The following TGIF1 variants were observed in gnomAD, a reference collection of about 807,000 sequenced individuals.
TGIF1 encodes the protein TGFB induced factor homeobox 1.
A neutral mutation model predicts 19.3 loss-of-function variants in TGIF1; 4 were observed. That is an observed-to-expected ratio of 0.21 (90% CI 0.10 to 0.47). The LOEUF is 0.47. TGIF1 is among the 20% of genes least tolerant of loss of function. The pLI, the probability that TGIF1 is intolerant of heterozygous loss-of-function variation, is 0.98. For missense variants in TGIF1, 275 were observed against 341.4 expected (o/e 0.81, Z 1.53); for synonymous variants, 122 against 129.3 (o/e 0.94, Z 0.38).
chr18:3,442,479 T>C (rs2143242088), intron 2 of TGIF1, among the ~76,000 whole-genome samples: 1 of 152,268 alleles, frequency 6.6e-6, no homozygotes, highest in South Asian at 2.1e-4. Context: ...TTTTTGCTCT[T>C]TGTCAGATGA....
intron 2 of TGIF1, among the ~76,000 whole-genome samples, chr18:3,443,957 C>T (rs1418814411): frequency 2.2e-5 from 3 of 139,320 alleles, no homozygotes; most frequent in Admixed American, 7.3e-5. Flanking sequence ...TTTTTTGAGA[C>T]GGAGTCTAGC....
intron 2 of TGIF1, chr18:3,418,547 A>G (rs2082361196): frequency 6.6e-6 from 1 of 152,234 alleles, no homozygotes; most frequent in Admixed American, 6.5e-5. Flanking sequence ...CTATATAAAT[A>G]GTTGTTATAC....
At position 3,451,424 on chromosome 18, in the gene TGIF1, T is replaced by C. The variant is rs2082922879; in HGVS notation, c.16+919T>C. 1.0e-6 allele frequency: 1 copy of C among 985,400 alleles called. No homozygotes were observed. The highest frequency in any genetic ancestry group is 1.7e-5 in the African/African-American group (1 of 57,354). The allele number at this position is 985,400 out of a possible 1,614,324, so 61.0% of individuals were successfully genotyped here. ...AAGTCCCTTTTGAAGTTAACAAAAA[T>C]TGAGTCCCTGGCTGGGAGGTCCCCC... On this transcript the variant is annotated intron_variant, in intron 1 of 2. Coordinates refer to ENST00000343820, the MANE Select transcript of TGIF1 (RefSeq NM_003244.4). This position sits in a 1 kb window ranked among gnomAD's most constrained non-coding sequence, Gnocchi z 5.4.
chr18:3,428,901 A>C (rs1734604375), intron 2 of TGIF1, among the ~76,000 whole-genome samples: 1 of 151,912 alleles, frequency 6.6e-6, no homozygotes, highest in Non-Finnish European at 1.5e-5. Context: ...ATAAAAAATA[A>C]AATAAGCCGA....
chr18:3,419,166 A>G (rs1053692903), intron 2 of TGIF1, among the ~76,000 whole-genome samples: 1 of 152,252 alleles, frequency 6.6e-6, no homozygotes, highest in East Asian at 1.9e-4. Context: ...TGGAATTCAT[A>G]TAAGATTAAA....
chr18:3,448,493 G>A (rs1170223875), upstream of TGIF1: 1 of 990,408 alleles, frequency 1.0e-6, no homozygotes, highest in East Asian at 1.1e-4. Flanking sequence ...GCAGCGTCCG[G>A]GCGGGTGGCT....
chr18:3,451,862 GTCCGAGA>G lies in TGIF1; in HGVS notation c.16+1358_16+1364del. 7.1e-7 allele frequency: 1 copy of G among 1,410,264 alleles called. No individual in the cohort carries two copies. 87.4% of individuals were successfully genotyped at this position (1,410,264 alleles called of 1,614,324 possible). On this transcript the variant is annotated intron_variant, in intron 1 of 2. Coordinates refer to ENST00000343820, the MANE Select transcript of TGIF1 (RefSeq NM_003244.4). This position sits in a 1 kb window ranked among gnomAD's most constrained non-coding sequence, Gnocchi z 5.4. ...CCCTGGGAGAAAACGCGCGGGGGGC[GTCCGAGA>G]CGCCCCGTGAAAGCCGTGCCGACCC...
At chr18:3,432,065 T>G (rs986075199) in intron 2 of TGIF1, among the ~76,000 whole-genome samples, 1 of 147,426 alleles carries the variant, frequency 6.8e-6, no homozygotes, top group South Asian at 2.1e-4. Context: ...GAGGCGGAGA[T>G]TACAGTGAGC....
upstream of TGIF1, among the ~76,000 whole-genome samples, chr18:3,445,386 A>G (rs1026755660): frequency 1.3e-5 from 2 of 152,126 alleles, no homozygotes; most frequent in Non-Finnish European, 2.9e-5. Flanking sequence ...CTCACTTAGT[A>G]TATTCTCTCT....
chr18:3,447,544 G>T, upstream of TGIF1: 1 of 690,548 alleles, frequency 1.4e-6, no homozygotes, highest in South Asian at 1.6e-5. Context: ...GTTACGTTGC[G>T]CTGACCCTAG....
At chr18:3,440,315 G>C (rs2082665925) in intron 2 of TGIF1, among the ~76,000 whole-genome samples, 1 of 150,790 alleles carries the variant, frequency 6.6e-6, no homozygotes, top group Non-Finnish European at 1.5e-5. Context: ...TCGTGCCACT[G>C]CACTCCAACC....
In TGIF1 at chr18:3,450,485, C is replaced by T. The variant is rs1315014246; in HGVS notation, c.-5C>T. The T allele has an allele frequency of 6.4e-7, 1 of 1,561,106 alleles. No individual in the cohort carries two copies. On this transcript the variant is annotated 5_prime_UTR_variant, in exon 1 of 3. Coordinates refer to ENST00000343820, the MANE Select transcript of TGIF1 (RefSeq NM_003244.4). ...CTTGCCTCGCGCTGGGAGGGGAGAT[C>T]CAGAATGAAAGGCAAGAAAGGTAAG...
intron 2 of TGIF1, among the ~76,000 whole-genome samples, chr18:3,433,426 C>T (rs9963790): frequency 0.52 from 79,787 of 152,082 alleles, 22,172 homozygotes; most frequent in East Asian, 0.91. Context: ...AATTACAAGA[C>T]GAAAGTAATA....
At chr18:3,445,764 G>GAAAAA (rs1568041656), upstream of TGIF1, among the ~76,000 whole-genome samples, 1 of 24,126 alleles carries the variant, frequency 4.1e-5, no homozygotes, top group African/African-American at 2.2e-4. Flanking sequence ...GAGAAGAAAA[G>GAAAAA]CAAAAAAAAA....
chr18:3,412,790 A>G (rs1478340230), intron 1 of TGIF1: 1 of 151,964 alleles, frequency 6.6e-6, no homozygotes, highest in Admixed American at 6.6e-5. Context: ...TTCTCGTTAG[A>G]GCTGATGATA....
upstream of TGIF1, chr18:3,448,003 A>G (rs1718588009): frequency 2.5e-5 from 24 of 954,758 alleles, no homozygotes; most frequent in Non-Finnish European, 2.9e-5. Flanking sequence ...ACATAATGAG[A>G]GCCACCGCGT....
At chr18:3,455,420 CT>C (rs1373483720) in intron 1 of TGIF1, 1 of 152,142 alleles carries the variant, frequency 6.6e-6, no homozygotes, top group Non-Finnish European at 1.5e-5. Flanking sequence ...GATTAAAGTA[CT>C]TACAGCCAAA....
intron 2 of TGIF1, among the ~76,000 whole-genome samples, chr18:3,436,474 A>T (rs1276718337): frequency 1.3e-5 from 2 of 152,156 alleles, no homozygotes; most frequent in African/African-American, 4.8e-5. Context: ...TAATGTCTGG[A>T]GTGGATGTAG....
intron 2 of TGIF1, among the ~76,000 whole-genome samples, chr18:3,435,871 T>C (rs1188627216): frequency 1.6e-4 from 25 of 152,026 alleles, no homozygotes; most frequent in Admixed American, 7.9e-4. Context: ...TATATGTATA[T>C]ATATTTAGGG....
Sources: allele counts gnomAD v4.1 joint callset (sites outside exome capture counted in the v4.1 genomes callset), GRCh38; gene constraint gnomAD v4.1.1; non-coding constraint Gnocchi (gnomAD v3.1); transcripts MANE v1.5; gene names NCBI Gene and HGNC (gene_info 2026-07-23, HGNC 2026-07-21).